Variants in GNA12 observed in about 807,000 individuals in gnomAD.
GNA12 encodes guanine nucleotide-binding protein subunit alpha-12.
GNA12 carries 9 observed loss-of-function variants against 26.0 expected under a neutral mutation model. The ratio of observed to expected loss-of-function variants is 0.35; its 90% confidence interval spans 0.21 to 0.60. GNA12 has a LOEUF of 0.60. Ranked by LOEUF, GNA12 falls within the 20% of genes least tolerant of loss-of-function variation. The probability of loss-of-function intolerance (pLI) is 0.78; values close to 1 mark genes in which losing one functional copy is unlikely to be tolerated. For missense variants in GNA12, 405 were observed against 525.8 expected (o/e 0.77, Z 2.25); for synonymous variants, 264 against 219.6 (o/e 1.20, Z -1.79).
Position 2,731,298 on chromosome 7 carries a change from G to C in GNA12, c.1029C>G (p.Ser343Arg). 6.2e-7 allele frequency: 1 copy of C among 1,613,728 alleles called. No individual in the cohort carries two copies. Among genetic ancestry groups the C allele is most frequent in the Non-Finnish European group, 8.5e-7 (1 of 1,179,882 alleles). The change falls in exon 4 of 4, where the codon AGC becomes AGG. Residue 343 changes from serine (S) to arginine (R), a missense_variant. By Grantham distance (110) the Ser-to-Arg change is moderately radical. Coordinates refer to ENST00000275364, the MANE Select transcript of GNA12 (RefSeq NM_007353.3). The surrounding 1 kb of genome is among the most constrained non-coding windows in gnomAD (Gnocchi z 6.0). ...TGGTGAAGTGGTGGAAGAGTGGCTTGCTGCGGTTCCGTCTCTTCCTGTCGA... is the reference window on the plus strand; with the variant it reads ...TGGTGAAGTGGTGGAAGAGTGGCTTCCTGCGGTTCCGTCTCTTCCTGTCGA... The part of the protein sequence containing the change: ...QCFDRKRRNR[S>R]KPLFHHFTTA...
At chr7:2,829,652 C>T (rs549229040) in intron 1 of GNA12, among the ~76,000 whole-genome samples, 2 of 152,262 alleles carry the variant, frequency 1.3e-5, no homozygotes, top group South Asian at 4.1e-4. Context: ...CAGGCTACTT[C>T]TCTTTCATAG....
At chr7:2,836,870 G>C (rs1276426619) in intron 1 of GNA12, among the ~76,000 whole-genome samples, 1 of 152,160 alleles carries the variant, frequency 6.6e-6, no homozygotes, top group Non-Finnish European at 1.5e-5. Context: ...GTTGCAGTGA[G>C]CCAGGATTGC....
chr7:2,827,662 A>G (rs757791), intron 1 of GNA12, among the ~76,000 whole-genome samples: 64,142 of 151,992 alleles, frequency 0.42, 13,752 homozygotes, highest in Admixed American at 0.48. Flanking sequence ...ACACCAGGAC[A>G]TGACTTAGAA....
chr7:2,814,017 G>A (rs540174168), intron 1 of GNA12, among the ~76,000 whole-genome samples: 55 of 152,222 alleles, frequency 3.6e-4, no homozygotes, highest in East Asian at 1.2e-3. Flanking sequence ...CCTCGCCGCC[G>A]GAGCTTGGAC....
chr7:2,777,721 G>A (rs1445312424), intron 2 of GNA12, among the ~76,000 whole-genome samples: 2 of 152,180 alleles, frequency 1.3e-5, no homozygotes, highest in Non-Finnish European at 2.9e-5. Context: ...CACAGCCTCT[G>A]AACTGTGAAA....
intron 1 of GNA12, among the ~76,000 whole-genome samples, chr7:2,841,220 C>G (rs948370715): frequency 1.3e-5 from 2 of 152,050 alleles, no homozygotes; most frequent in African/African-American, 4.8e-5. Flanking sequence ...GGTGCGATCT[C>G]GGCTCACTGC....
At chr7:2,749,570 G>A (rs529829132) in intron 2 of GNA12, among the ~76,000 whole-genome samples, 52 of 152,014 alleles carry the variant, frequency 3.4e-4, no homozygotes, top group African/African-American at 1.1e-3. Context: ...TAAATGACGA[G>A]TTAATGGGTG....
chr7:2,814,418 A>G, intron 1 of GNA12: 1 of 1,261,702 alleles, frequency 7.9e-7, no homozygotes, highest in Non-Finnish European at 1.2e-6. Flanking sequence ...GAATTCCTAT[A>G]ATCTGAATTA....
chr7:2,835,408 G>A (rs955222976), intron 1 of GNA12, among the ~76,000 whole-genome samples: 27 of 152,208 alleles, frequency 1.8e-4, no homozygotes, highest in Non-Finnish European at 2.6e-4. Context: ...GTTGGCCCAC[G>A]GGGGTTGCCG....
At chr7:2,813,495 G>T (rs1793135586) in intron 1 of GNA12, among the ~76,000 whole-genome samples, 1 of 152,124 alleles carries the variant, frequency 6.6e-6, no homozygotes, top group African/African-American at 2.4e-5. Context: ...CCAGCACAGC[G>T]CTCCTTGCAG....
rs566506851 is a variant in GNA12, at chr7:2,818,321, A to G, written c.310-23178T>C. ...AGTCAGCAGCATCTCCAACCATCAG[A>G]TGCCGGCGGCACCCATCAGTGTCAC... On this transcript the variant is annotated intron_variant, in intron 1 of 3. Coordinates refer to ENST00000275364, the MANE Select transcript of GNA12 (RefSeq NM_007353.3). Among the ~76,000 whole-genome samples the G allele has an allele frequency of 3.9e-5, 6 of 152,328 alleles. No individual in the cohort carries two copies. In the East Asian group the frequency reaches 1.2e-3, roughly 29 times the overall value.
At chr7:2,803,807 A>AC (rs1792875289) in intron 1 of GNA12, among the ~76,000 whole-genome samples, 1 of 152,004 alleles carries the variant, frequency 6.6e-6, no homozygotes, top group South Asian at 2.1e-4. Context: ...ACAAAACAAA[A>AC]CAAAACAAAC....
At chr7:2,825,262 C>CCCCT (rs1340228803) in intron 1 of GNA12, among the ~76,000 whole-genome samples, 1 of 152,144 alleles carries the variant, frequency 6.6e-6, no homozygotes, top group Admixed American at 6.5e-5. Flanking sequence ...CTCACTCTCT[C>CCCCT]CCCTCCCTCC....
At chr7:2,765,686 G>T (rs798481) in intron 2 of GNA12, among the ~76,000 whole-genome samples, 1 of 151,310 alleles carries the variant, frequency 6.6e-6, no homozygotes, top group South Asian at 2.1e-4. Flanking sequence ...GCTGGAGTGC[G>T]ATGGCATGAT....
chr7:2,804,628 T>A (rs1792899236), intron 1 of GNA12, among the ~76,000 whole-genome samples: 1 of 152,140 alleles, frequency 6.6e-6, no homozygotes, highest in Non-Finnish European at 1.5e-5. Context: ...AATGGTGAAA[T>A]CTTTGTCCTC....
intron 2 of GNA12, among the ~76,000 whole-genome samples, chr7:2,740,149 TG>T (rs1790425884): frequency 6.6e-6 from 1 of 152,176 alleles, no homozygotes; most frequent in Non-Finnish European, 1.5e-5. Flanking sequence ...AGCTGTGAAA[TG>T]GCACTCCAGT....
Position 2,730,041 on chromosome 7 carries a change from C to G in GNA12, c.*1140G>C, listed in dbSNP as rs967737255. 3 of 152,364 alleles carry G rather than the reference C, an allele frequency of 2.0e-5. No homozygotes were observed. The highest frequency in any genetic ancestry group is 4.4e-5 in the Non-Finnish European group (3 of 68,066). 9.4% of individuals were successfully genotyped at this position (152,364 alleles called of 1,614,324 possible). On this transcript the variant is annotated 3_prime_UTR_variant, in exon 4 of 4. Transcript: ENST00000275364. ...AATCAGACTTAGGGAGAGCGGCGAA[C>G]AGGCACGGCTGTCCAAAGGCACTGG...
chr7:2,808,262 C>G (rs1467613812), intron 1 of GNA12, among the ~76,000 whole-genome samples: 1 of 152,254 alleles, frequency 6.6e-6, no homozygotes, highest in Non-Finnish European at 1.5e-5. Flanking sequence ...ACCCGACACC[C>G]ACCTAGAGCA....
intron 1 of GNA12, chr7:2,814,292 T>TGAGAC (rs1793161249): frequency 5.3e-6 from 7 of 1,328,104 alleles, no homozygotes; most frequent in Non-Finnish European, 6.5e-6. Context: ...GGCCGAGGAG[T>TGAGAC]TGAACGGAGT....
Sources: gnomAD v4.1 joint callset for allele counts (sites outside exome capture counted in the v4.1 genomes callset) on GRCh38, gnomAD v4.1.1 for gene constraint, Gnocchi (gnomAD v3.1) non-coding constraint, MANE v1.5 for transcripts, NCBI Gene and HGNC (gene_info 2026-07-23, HGNC 2026-07-21) for gene names.